The following UNC79 variants were observed in gnomAD, a reference collection of about 807,000 sequenced individuals.
UNC79 encodes the protein protein unc-79 homolog.
In UNC79, 37 loss-of-function variants were observed where a neutral mutation model predicts 283.1. That is an observed-to-expected ratio of 0.13 (90% CI 0.10 to 0.17). The LOEUF (loss-of-function observed/expected upper bound fraction) is 0.17. Ranked by LOEUF, UNC79 falls within the 10% of genes least tolerant of loss-of-function variation. The pLI, the probability that UNC79 is intolerant of heterozygous loss-of-function variation, is 1.00. For synonymous variants in UNC79, 1,107 were observed against 1,200.2 expected (o/e 0.92, Z 1.61); for missense variants, 2,272 against 3,211.1 (o/e 0.71, Z 7.07).
intron 7 of UNC79, among the ~76,000 whole-genome samples, chr14:93,514,156 CTG>C (rs1567032907): frequency 2.0e-5 from 3 of 152,140 alleles, no homozygotes; most frequent in Admixed American, 6.5e-5. Context: ...AAATTAAAAA[CTG>C]TTTTTTAAAA....
intron 30 of UNC79, among the ~76,000 whole-genome samples, chr14:93,623,193 CT>C (rs1467787384): frequency 6.6e-6 from 1 of 152,140 alleles, no homozygotes; most frequent in Non-Finnish European, 1.5e-5. Flanking sequence ...TCTTTGCTTT[CT>C]TTTTTTCTCT....
At chr14:93,355,059 G>A (rs187622858) in intron 1 of UNC79, among the ~76,000 whole-genome samples, 107 of 144,458 alleles carry the variant, frequency 7.4e-4, no homozygotes, top group African/African-American at 2.7e-3. Context: ...ACAGAGTTTC[G>A]CTCTTATCAC....
chr14:93,587,033 TATG>T, intron 22 of UNC79, 125 bp downstream of exon 22: 1 of 1,108,042 alleles, frequency 9.0e-7, no homozygotes, highest in Non-Finnish European at 1.2e-6. Context: ...CTCGATTGCC[TATG>T]ATAACTACTT....
chr14:93,570,693 T>G (rs899599547), intron 14 of UNC79, among the ~76,000 whole-genome samples: 8 of 152,152 alleles, frequency 5.3e-5, no homozygotes, highest in African/African-American at 1.9e-4. Flanking sequence ...CATTTCATCC[T>G]CCCCTATGGG....
upstream of UNC79, among the ~76,000 whole-genome samples, chr14:93,428,399 G>A (rs1428932209): frequency 3.9e-5 from 6 of 152,226 alleles, no homozygotes; most frequent in Non-Finnish European, 7.3e-5. Context: ...CTGGCAATGA[G>A]AAGAGGCACT....
chr14:93,396,444 C>T (rs1035476781), intron 1 of UNC79, among the ~76,000 whole-genome samples: 1 of 151,912 alleles, frequency 6.6e-6, no homozygotes, highest in Non-Finnish European at 1.5e-5. Context: ...CTGTTGATTG[C>T]TTGTTTTCCT....
intron 35 of UNC79, among the ~76,000 whole-genome samples, chr14:93,651,928 T>A (rs990503065): frequency 4.4e-4 from 65 of 146,596 alleles, no homozygotes; most frequent in African/African-American, 1.6e-3. Context: ...TTTTTTTTTT[T>A]TTTTTTTTTT....
intron 1 of UNC79, among the ~76,000 whole-genome samples, chr14:93,334,312 T>G (rs1236866106): frequency 6.6e-6 from 1 of 152,236 alleles, no homozygotes; most frequent in Non-Finnish European, 1.5e-5. Flanking sequence ...TCATTTTCTT[T>G]ACCCATCTCA....
At chr14:93,707,658 T>G (rs1260730368), downstream of UNC79, 4 of 152,184 alleles carry the variant, frequency 2.6e-5, no homozygotes, top group Non-Finnish European at 5.9e-5. Flanking sequence ...ACCAGATGAG[T>G]CCCTCACTGG....
chr14:93,419,610 A>T (rs1248305317), intron 1 of UNC79, among the ~76,000 whole-genome samples: 1 of 151,836 alleles, frequency 6.6e-6, no homozygotes, highest in Non-Finnish European at 1.5e-5. Flanking sequence ...GTAGAGTTTT[A>T]TTGGTTTTCT....
chr14:93,611,441 C>G (rs1217540988), intron 26 of UNC79, among the ~76,000 whole-genome samples: 1 of 152,210 alleles, frequency 6.6e-6, no homozygotes, highest in Non-Finnish European at 1.5e-5. Flanking sequence ...GACAACTAAG[C>G]TTGTTACCTT....
chr14:93,356,253 C>T (rs2054084553), intron 1 of UNC79, among the ~76,000 whole-genome samples: 1 of 152,156 alleles, frequency 6.6e-6, no homozygotes, highest in Admixed American at 6.5e-5. Flanking sequence ...AAACTCCTGA[C>T]CTCAGGTGAT....
At chr14:93,366,753 A>G (rs2054343209) in intron 1 of UNC79, among the ~76,000 whole-genome samples, 1 of 151,812 alleles carries the variant, frequency 6.6e-6, no homozygotes, top group South Asian at 2.1e-4. Context: ...GTGTATTTTT[A>G]TTAGAGATGG....
chr14:93,438,453 T>G (rs1328575177), intron 1 of UNC79, among the ~76,000 whole-genome samples: 1 of 152,192 alleles, frequency 6.6e-6, no homozygotes, highest in Non-Finnish European at 1.5e-5. Flanking sequence ...ATGCCCTGTC[T>G]AGATCTCTAA....
intron 40 of UNC79, among the ~76,000 whole-genome samples, chr14:93,672,804 A>G (rs921637766): frequency 2.0e-5 from 3 of 152,188 alleles, no homozygotes; most frequent in African/African-American, 7.2e-5. Context: ...TTATGTATGA[A>G]TTTAAGAAAG....
rs2067124672 is a variant in UNC79 at position 93,621,446 on chromosome 14, T to C, written c.4388-175T>C. Among the ~76,000 whole-genome samples, 1 of 152,202 alleles carries C rather than the reference T, an allele frequency of 6.6e-6. No individual in the cohort carries two copies. The highest frequency in any genetic ancestry group is 1.5e-5 in the Non-Finnish European group (1 of 68,032). ...TTTGGTTTCTTTCATTCGTAAATTT[T>C]CCAGTTTTTGAAATTAGAACGAACC... On this transcript the variant is annotated intron_variant, in intron 29 of 48. Transcript: ENST00000555664. The surrounding 1 kb of genome is among the most constrained non-coding windows in gnomAD (Gnocchi z 4.8).
chr14:93,473,307 G>T (rs979727295), intron 2 of UNC79, among the ~76,000 whole-genome samples: 8 of 151,980 alleles, frequency 5.3e-5, no homozygotes, highest in Non-Finnish European at 8.8e-5. Flanking sequence ...AAAATAAAAT[G>T]TTTCCTCCCC....
chr14:93,662,944 T>G (rs2071763494), intron 40 of UNC79, among the ~76,000 whole-genome samples: 1 of 151,946 alleles, frequency 6.6e-6, no homozygotes, highest in South Asian at 2.1e-4. Flanking sequence ...ATATGCAGAT[T>G]CAGAGAACTG....
At chr14:93,475,087 C>T (rs1056585586) in intron 3 of UNC79, among the ~76,000 whole-genome samples, 4 of 152,236 alleles carry the variant, frequency 2.6e-5, no homozygotes. Context: ...AACTCTTCCC[C>T]CTTTCTACTC....
Sources: gnomAD v4.1 joint callset for allele counts (sites outside exome capture counted in the v4.1 genomes callset) on GRCh38, gnomAD v4.1.1 for gene constraint, Gnocchi (gnomAD v3.1) non-coding constraint, MANE v1.5 for transcripts, NCBI Gene and HGNC (gene_info 2026-07-23, HGNC 2026-07-21) for gene names.